Variants in LMTK2 observed in about 807,000 individuals in gnomAD.
LMTK2 encodes serine/threonine-protein kinase LMTK2.
In LMTK2, 37 loss-of-function variants were observed where a neutral mutation model predicts 127.5. The observed-to-expected ratio is 0.29, with a 90% confidence interval of 0.22 to 0.38. The LOEUF is 0.38. Ranked by LOEUF, LMTK2 falls within the 10% of genes least tolerant of loss-of-function variation. The probability of loss-of-function intolerance (pLI) is 1.00; values close to 1 mark genes in which losing one functional copy is unlikely to be tolerated. For synonymous variants in LMTK2, 819 were observed against 810.1 expected, an observed-to-expected ratio of 1.01 and a Z score of -0.19; for missense variants, 1,694 against 1,920.3, an observed-to-expected ratio of 0.88 and a Z score of 2.20.
chr7:98,123,861 T>C (rs749963350), intron 1 of LMTK2, among the ~76,000 whole-genome samples: 42 of 152,218 alleles, frequency 2.8e-4, no homozygotes, highest in Admixed American at 3.3e-4. Context: ...TTTACTTCTG[T>C]TGATCTTTTT....
intron 4 of LMTK2, among the ~76,000 whole-genome samples, chr7:98,153,455 T>C (rs1249976953): frequency 6.6e-6 from 1 of 152,200 alleles, no homozygotes; most frequent in Non-Finnish European, 1.5e-5. Flanking sequence ...CATAAGTTCC[T>C]TGGCGTCCTT....
intron 2 of LMTK2, among the ~76,000 whole-genome samples, chr7:98,137,744 G>A (rs1049563349): frequency 6.6e-6 from 1 of 152,174 alleles, no homozygotes; most frequent in African/African-American, 2.4e-5. Flanking sequence ...AGTTTGCTCC[G>A]CCTCTGTCAT....
Position 98,194,426 on chromosome 7 carries a change from A to G in LMTK2, c.3961A>G (p.Ile1321Val), listed in dbSNP as rs1304141896. Residue 1321 changes from isoleucine (I) to valine (V), a missense_variant, in exon 11 of 14, where the codon ATC becomes GTC. Coordinates refer to ENST00000297293, the MANE Select transcript of LMTK2 (RefSeq NM_014916.4). The surrounding 1 kb of genome is among the most constrained non-coding windows in gnomAD (Gnocchi z 5.4). ...CGAGACCGAGCACCCCGTGCCCATCATCCTCAGCAACGAGGACGGAAGGCA... is the reference window on the plus strand; with the variant it reads ...CGAGACCGAGCACCCCGTGCCCATCGTCCTCAGCAACGAGGACGGAAGGCA... Reference protein sequence around the residue: ...EDETEHPVPIILSNEDGRHLR... With the variant: ...EDETEHPVPIVLSNEDGRHLR... 1 of 1,614,132 alleles carries G rather than the reference A, an allele frequency of 6.2e-7. No homozygotes were observed. The highest frequency in any genetic ancestry group is 8.5e-7 in the Non-Finnish European group (1 of 1,180,038).
Position 98,185,001 on chromosome 7 carries a change from G to T in LMTK2, c.792-50G>T, listed in dbSNP as rs373603524. The T allele has an allele frequency of 3.8e-5, 51 of 1,346,906 alleles. 1 individual carries two copies. The highest frequency in any genetic ancestry group is 3.4e-4 in the African/African-American group (24 of 69,924). The allele number at this position is 1,346,906 out of a possible 1,614,324, so 83.4% of individuals were successfully genotyped here. A position where few individuals can be genotyped will look rare whatever the true frequency, so the allele number is the denominator to read the frequency against. On this transcript the variant is annotated intron_variant, in intron 7 of 13. Transcript: ENST00000297293. ...TTTCTGTGGCATTTCCATACAGCAT[G>T]ATCCTGGTTGTTGATTCTTCTTGCC...
chr7:98,204,433 G>C (rs536011775), intron 13 of LMTK2, among the ~76,000 whole-genome samples: 147 of 151,966 alleles, frequency 9.7e-4, no homozygotes, highest in Non-Finnish European at 1.4e-3. Flanking sequence ...ACCAGCCTGG[G>C]CAACATAGTG....
intron 11 of LMTK2, among the ~76,000 whole-genome samples, 161 bp from the exon 12 acceptor site, chr7:98,203,413 G>A (rs1489685437): frequency 1.3e-5 from 2 of 152,238 alleles, no homozygotes; most frequent in Non-Finnish European, 2.9e-5. Context: ...GAGAGACAGG[G>A]CCTAGTGTCT....
chr7:98,186,763 TGACCTGG>T, intron 8 of LMTK2, 107 bp from the exon 9 acceptor site: 1 of 925,474 alleles, frequency 1.1e-6, no homozygotes. Flanking sequence ...CTTTTTTTTC[TGACCTGG>T]TTTTTGGATT....
intron 11 of LMTK2, among the ~76,000 whole-genome samples, chr7:98,200,108 C>T (rs933128560): frequency 5.9e-5 from 9 of 151,296 alleles, no homozygotes; most frequent in Non-Finnish European, 8.8e-5. Context: ...GTTCTCTTTG[C>T]GTAGTTTTTG....
At chr7:98,124,110 T>C (rs1796408655) in intron 1 of LMTK2, among the ~76,000 whole-genome samples, 1 of 152,204 alleles carries the variant, frequency 6.6e-6, no homozygotes. Context: ...GTTTTTCAAA[T>C]GTCAGGTGAT....
At position 98,170,479 on chromosome 7, in the gene LMTK2, G is replaced by A. The variant is rs117003204; in HGVS notation, c.658-1062G>A. Among the ~76,000 whole-genome samples, 497 of 151,738 alleles carry A rather than the reference G, an allele frequency of 3.3e-3. 13 individuals are homozygous for A. In the East Asian group the frequency reaches 0.069, roughly 21 times the overall value. ...GATAAATTGGCTATCTTCAGTAACA[G>A]TTACAAGACATGTACTCTTTAGTTG... On this transcript the variant is annotated intron_variant, in intron 6 of 13. Coordinates refer to ENST00000297293, the MANE Select transcript of LMTK2 (RefSeq NM_014916.4).
At chr7:98,170,775 T>G (rs984168605) in intron 6 of LMTK2, among the ~76,000 whole-genome samples, 1 of 152,090 alleles carries the variant, frequency 6.6e-6, no homozygotes, top group African/African-American at 2.4e-5. Flanking sequence ...CCCAAAAACA[T>G]AGTATCCTAA....
chr7:98,179,585 C>G (rs1051872543), intron 7 of LMTK2, among the ~76,000 whole-genome samples: 1 of 148,460 alleles, frequency 6.7e-6, no homozygotes, highest in African/African-American at 2.5e-5. Flanking sequence ...CTCCCTCTCT[C>G]CCTCCTTCCC....
intron 7 of LMTK2, among the ~76,000 whole-genome samples, chr7:98,172,602 C>T (rs148973985): frequency 1.3e-4 from 20 of 152,236 alleles, no homozygotes; most frequent in Admixed American, 9.8e-4. Context: ...CAACACAATA[C>T]GTTTAAAATT....
chr7:98,146,114 C>T (rs1030504839), intron 3 of LMTK2, among the ~76,000 whole-genome samples: 1 of 152,068 alleles, frequency 6.6e-6, no homozygotes, highest in Non-Finnish European at 1.5e-5. Context: ...AATCAGTTTA[C>T]TATATTTTTT....
rs563891606 is a variant in LMTK2, at chr7:98,150,075, C to T, written c.377-1307C>T. Among the ~76,000 whole-genome samples the T allele has an allele frequency of 2.0e-4, 31 of 152,000 alleles. No homozygotes were observed. The South Asian group carries it at 4.6e-3, about 22-fold the overall frequency. The stretch of plus-strand genomic sequence containing the variant: ...AAAATAAAAATGCACTTTGGGAGGC[C>T]GAGGCGGGCGGATCACAAGGTTAGG... On this transcript the variant is annotated intron_variant, in intron 3 of 13. Coordinates refer to ENST00000297293, the MANE Select transcript of LMTK2 (RefSeq NM_014916.4).
intron 5 of LMTK2, among the ~76,000 whole-genome samples, chr7:98,156,357 T>G (rs10243469): frequency 6.6e-6 from 1 of 151,618 alleles, no homozygotes; most frequent in African/African-American, 2.4e-5. Context: ...CCCAGCTACT[T>G]GGGAGGCTGA....
chr7:98,152,512 G>A (rs1207411278), intron 4 of LMTK2, among the ~76,000 whole-genome samples: 4 of 152,200 alleles, frequency 2.6e-5, no homozygotes, highest in East Asian at 1.9e-4. Context: ...CTAGGGGCAC[G>A]ATGTGGAGGA....
intron 1 of LMTK2, among the ~76,000 whole-genome samples, chr7:98,123,759 A>G (rs1024440305): frequency 6.6e-6 from 1 of 152,000 alleles, no homozygotes; most frequent in South Asian, 2.1e-4. Flanking sequence ...ATATGCACAC[A>G]CTTTTTGGGA....
intron 7 of LMTK2, among the ~76,000 whole-genome samples, chr7:98,177,565 T>C (rs1032822577): frequency 5.3e-5 from 8 of 152,234 alleles, no homozygotes; most frequent in African/African-American, 1.9e-4. Context: ...AGTGGCACGA[T>C]CATGGCTCAC....
Sources: allele counts gnomAD v4.1 joint callset (sites outside exome capture counted in the v4.1 genomes callset), GRCh38; gene constraint gnomAD v4.1.1; non-coding constraint Gnocchi (gnomAD v3.1); transcripts MANE v1.5; gene names NCBI Gene and HGNC (gene_info 2026-07-23, HGNC 2026-07-21).